Variants in ADGRE2 observed in about 807,000 individuals in gnomAD.
ADGRE2 encodes the protein adhesion G protein-coupled receptor E2, also known as CD97 antigen.
In ADGRE2, 83 loss-of-function variants were observed where a neutral mutation model predicts 100.8. The observed-to-expected ratio is 0.82, with a 90% confidence interval of 0.69 to 0.99. The LOEUF is 0.99. ADGRE2 is among the 50% of genes least tolerant of loss of function. The pLI, the probability that ADGRE2 is intolerant of heterozygous loss-of-function variation, is 0.00. For missense variants in ADGRE2, 814 were observed against 1,035.7 expected, an observed-to-expected ratio of 0.79 and a Z score of 2.94; for synonymous variants, 355 against 413.0, an observed-to-expected ratio of 0.86 and a Z score of 1.70.
Position 14,736,091 on chromosome 19 carries a change from G to A in ADGRE2, c.*145C>T, listed in dbSNP as rs1002964878. ...TCTGCAGGAATTGAATGCCTAGCAC[G>A]CCTTCCATAACATCCTTCATATTGC... On this transcript the variant is annotated 3_prime_UTR_variant, in exon 21 of 21. Coordinates refer to ENST00000315576, the MANE Select transcript of ADGRE2 (RefSeq NM_013447.4). The A allele has an allele frequency of 4.1e-6, 3 of 726,678 alleles. No individual in the cohort carries two copies. Among genetic ancestry groups the A allele is most frequent in the South Asian group, 1.9e-5 (1 of 53,878 alleles). The allele number at this position is 726,678 out of a possible 1,614,324, so 45.0% of individuals were successfully genotyped here. A position where few individuals can be genotyped will look rare whatever the true frequency, so the allele number is the denominator to read the frequency against.
At chr19:14,755,295 AT>A (rs67791356) in intron 13 of ADGRE2, among the ~76,000 whole-genome samples, 168 bp from the exon 14 acceptor site, 86,937 of 132,420 alleles carry the variant, frequency 0.66, 26,474 homozygotes, top group African/African-American at 0.76. Context: ...AAAAAAAAAA[AT>A]ACAAAAATTA....
intron 15 of ADGRE2, among the ~76,000 whole-genome samples, 170 bp downstream of exon 15, chr19:14,752,159 C>T (rs1443041913): frequency 1.3e-5 from 2 of 151,902 alleles, no homozygotes; most frequent in Admixed American, 1.3e-4. Context: ...TCTCAAACTC[C>T]CGACCTGAGG....
chr19:14,760,760 C>T (rs1371309609), intron 11 of ADGRE2, among the ~76,000 whole-genome samples: 2 of 152,120 alleles, frequency 1.3e-5, no homozygotes, highest in Non-Finnish European at 2.9e-5. Flanking sequence ...ATGTGTCATG[C>T]CCTCCTCCCT....
intron 11 of ADGRE2, among the ~76,000 whole-genome samples, chr19:14,764,089 G>T (rs1183444286): frequency 6.6e-6 from 1 of 150,712 alleles, no homozygotes; most frequent in Non-Finnish European, 1.5e-5. Context: ...TTGAGATGGG[G>T]TCTTGCCCTG....
intron 15 of ADGRE2, 94 bp from the exon 16 acceptor site, chr19:14,751,765 A>T: frequency 1.2e-6 from 1 of 851,424 alleles, no homozygotes; most frequent in Non-Finnish European, 1.9e-6. Flanking sequence ...GAATTCTGAG[A>T]TATTTGATGG....
At chr19:14,775,001 TTTA>T (rs1385071498) in intron 2 of ADGRE2, among the ~76,000 whole-genome samples, 6 of 113,016 alleles carry the variant, frequency 5.3e-5, no homozygotes, top group Non-Finnish European at 1.2e-4. Context: ...TTTATTTATT[TTTA>T]TTATTTATTT....
intron 16 of ADGRE2, among the ~76,000 whole-genome samples, chr19:14,747,741 G>T (rs866610524): frequency 2.0e-5 from 3 of 151,990 alleles, no homozygotes; most frequent in Non-Finnish European, 4.4e-5. Flanking sequence ...CCAGGAAGCA[G>T]AGAGCAGAGG....
chr19:14,771,420 A>G (rs889913625), intron 5 of ADGRE2, among the ~76,000 whole-genome samples: 5 of 151,856 alleles, frequency 3.3e-5, no homozygotes, highest in African/African-American at 4.8e-5. Flanking sequence ...CCCGCACCCA[A>G]CTAGTTCCCA....
chr19:14,739,276 C>A (rs1343008953), intron 20 of ADGRE2, among the ~76,000 whole-genome samples: 1 of 151,872 alleles, frequency 6.6e-6, no homozygotes, highest in Non-Finnish European at 1.5e-5. Flanking sequence ...GGCCAAGGCA[C>A]ATACATTTTC....
chr19:14,731,216 C>T (rs1276736940), downstream of ADGRE2: 1 of 1,531,874 alleles, frequency 6.5e-7, no homozygotes, highest in Non-Finnish European at 8.7e-7. Context: ...CCAGTACTCT[C>T]TTGCATGTTC....
rs1025033703 is a variant in ADGRE2, at chr19:14,736,117, T to C, written c.*119A>G. The C allele has an allele frequency of 3.1e-6, 3 of 953,168 alleles. No homozygotes were observed. The highest frequency in any genetic ancestry group is 4.9e-6 in the Non-Finnish European group (3 of 615,956). The allele number at this position is 953,168 out of a possible 1,614,324, so 59.0% of individuals were successfully genotyped here. A position where few individuals can be genotyped will look rare whatever the true frequency, so the allele number is the denominator to read the frequency against. On this transcript the variant is annotated 3_prime_UTR_variant, in exon 21 of 21. Transcript: ENST00000315576. ...CCTTCCATAACATCCTTCATATTGC[T>C]GACATGGTGAATTTCTTGAAACACA...
At position 14,746,091 on chromosome 19, in the gene ADGRE2, C is replaced by T. The variant is rs2043077325; in HGVS notation, c.2183+141G>A. 4 of 643,174 alleles carry T rather than the reference C, an allele frequency of 6.2e-6. No homozygotes were observed. The Admixed American group carries it at 1.0e-4, about 16-fold the overall frequency. 39.8% of individuals were successfully genotyped at this position (643,174 alleles called of 1,614,324 possible). A position where few individuals can be genotyped will look rare whatever the true frequency, so the allele number is the denominator to read the frequency against. On this transcript the variant is annotated intron_variant, in intron 18 of 20. Coordinates refer to ENST00000315576, the MANE Select transcript of ADGRE2 (RefSeq NM_013447.4). ...ATACCACTGAATCTGTGATGGCTGC[C>T]ATAGAAGGATGGCTGCGTCTGTTTT...
intron 20 of ADGRE2, chr19:14,742,052 G>A (rs949969819): frequency 2.0e-5 from 8 of 398,390 alleles, no homozygotes; most frequent in African/African-American, 1.6e-4. Flanking sequence ...GCCTCCCAGA[G>A]TGCTGGCATT....
chr19:14,770,681 T>TTTC lies in ADGRE2; in HGVS notation c.355+1660_355+1661insGAA, dbSNP rs1568623311. Among the ~76,000 whole-genome samples, 1,233 of 126,372 alleles carry TTTC rather than the reference T, an allele frequency of 9.8e-3. 67 individuals carry two copies. Among genetic ancestry groups the TTTC allele is most frequent in the African/African-American group, 0.034 (1,128 of 33,542 alleles). The allele number at this position is 126,372 out of a possible 152,430, so 82.9% of individuals were successfully genotyped here. On this transcript the variant is annotated intron_variant, in intron 5 of 20. Transcript: ENST00000315576. The stretch of plus-strand genomic sequence containing the variant: ...GTTTCTTTCTTTTCTTTTTTTTTTT[T>TTTC]TTTTTTTTTTTTTTTTGAGACAAAG...
chr19:14,761,052 C>T (rs1333145758), intron 11 of ADGRE2, among the ~76,000 whole-genome samples: 1 of 152,222 alleles, frequency 6.6e-6, no homozygotes, highest in Non-Finnish European at 1.5e-5. Context: ...CTGGACTGAA[C>T]CAATGTATAG....
Position 14,748,125 on chromosome 19 carries a change from C to G in ADGRE2, c.2025-1163G>C, listed in dbSNP as rs537587002. On this transcript the variant is annotated intron_variant, in intron 16 of 20. Coordinates refer to ENST00000315576, the MANE Select transcript of ADGRE2 (RefSeq NM_013447.4). The stretch of plus-strand genomic sequence containing the variant: ...TAGGTCGTTTATTTATCCTCGCCCT[C>G]CTCCCACTCTCCACCCTCAAGCAGG... 1.2e-4 allele frequency among the ~76,000 whole-genome samples: 19 copies of G among 152,190 alleles called. No individual in the cohort carries two copies. The South Asian group carries it at 3.9e-3, about 32-fold the overall frequency.
At chr19:14,726,197 G>C in the ADGRE2 span, among the ~76,000 whole-genome samples, 1 of 152,204 alleles carries the variant, frequency 6.6e-6, no homozygotes, top group East Asian at 1.9e-4. Flanking sequence ...GCCAAGGCTG[G>C]AGCCTTGAGT....
intron 5 of ADGRE2, among the ~76,000 whole-genome samples, chr19:14,769,361 G>A (rs756580577): frequency 6.6e-6 from 1 of 152,206 alleles, no homozygotes; most frequent in African/African-American, 2.4e-5. Context: ...GTGACCAGGT[G>A]TTTGGGACGG....
chr19:14,767,400 G>A (rs1302759043), intron 5 of ADGRE2, among the ~76,000 whole-genome samples: 2 of 151,942 alleles, frequency 1.3e-5, no homozygotes, highest in Non-Finnish European at 1.5e-5. Flanking sequence ...CACCATGCCC[G>A]GCTAATTTTT....
Sources: gnomAD v4.1 joint callset for allele counts (sites outside exome capture counted in the v4.1 genomes callset) on GRCh38, gnomAD v4.1.1 for gene constraint, MANE v1.5 for transcripts, NCBI Gene and HGNC (gene_info 2026-07-23, HGNC 2026-07-21) for gene names.